Variants in HERC3 observed in about 807,000 individuals in gnomAD.
HERC3 encodes HECT and RLD domain containing E3 ubiquitin protein ligase 3, also known as probable E3 ubiquitin-protein ligase HERC3.
In HERC3, 58 loss-of-function variants were observed where a neutral mutation model predicts 129.9. The observed-to-expected ratio is 0.45, with a 90% CI of 0.36 to 0.56. The LOEUF (loss-of-function observed/expected upper bound fraction) is 0.56. HERC3 is among the 20% of genes least tolerant of loss of function. HERC3 has a pLI of 0.00. For synonymous variants in HERC3, 430 were observed against 451.0 expected, an observed-to-expected ratio of 0.95 and a Z score of 0.59; for missense variants, 835 against 1,244.2, an observed-to-expected ratio of 0.67 and a Z score of 4.95.
Position 88,703,390 on chromosome 4 carries a change from A to G in HERC3, c.2658-708A>G, listed in dbSNP as rs532731236. On this transcript the variant is annotated intron_variant, in intron 23 of 25. Coordinates refer to ENST00000402738, the MANE Select transcript of HERC3 (RefSeq NM_014606.3). ...CTCTTCTCATTTGGTTGATCTTTATATATTTCCATGGTTGCGATATGGTTC... is the reference window on the plus strand; with the variant it reads ...CTCTTCTCATTTGGTTGATCTTTATGTATTTCCATGGTTGCGATATGGTTC... Among the ~76,000 whole-genome samples the G allele has an allele frequency of 5.3e-5, 8 of 152,254 alleles. No individual in the cohort carries two copies. In the South Asian group the frequency reaches 1.2e-3, roughly 24 times the overall value.
the HERC3 span, among the ~76,000 whole-genome samples, chr4:88,529,668 C>G: frequency 6.6e-6 from 1 of 151,554 alleles, no homozygotes; most frequent in Non-Finnish European, 1.5e-5. Context: ...GCAGGAGAAT[C>G]GCTTGAAACC....
At chr4:88,537,598 T>C in the HERC3 span, among the ~76,000 whole-genome samples, 13 of 152,202 alleles carry the variant, frequency 8.5e-5, no homozygotes, top group African/African-American at 3.1e-4. Flanking sequence ...CTCTATGTAA[T>C]CAATAAGTAG....
intron 5 of HERC3, 98 bp from the exon 6 acceptor site, chr4:88,652,771 G>A (rs1729430925): frequency 1.5e-5 from 19 of 1,301,706 alleles, no homozygotes; most frequent in Non-Finnish European, 1.4e-5. Context: ...TGGGTTTGGT[G>A]TTGGGGGGCA....
Position 88,665,136 on chromosome 4 carries a change from G to A in HERC3, c.1331+924G>A, listed in dbSNP as rs576739763. Among the ~76,000 whole-genome samples, 19 of 152,316 alleles carry A rather than the reference G, an allele frequency of 1.2e-4. No homozygotes were observed. In the South Asian group the frequency reaches 2.7e-3, roughly 22 times the overall value. On this transcript the variant is annotated intron_variant, in intron 12 of 25. Transcript: ENST00000402738. ...GTTCTTCAGAGAAATGGAACAAATA[G>A]GAGAGAGATAAATAGATAGATGGAT...
At chr4:88,551,602 T>C in the HERC3 span, among the ~76,000 whole-genome samples, 1 of 151,834 alleles carries the variant, frequency 6.6e-6, no homozygotes, top group Non-Finnish European at 1.5e-5. Flanking sequence ...TCACACCAGT[T>C]AGAATGGCAA....
intron 12 of HERC3, among the ~76,000 whole-genome samples, chr4:88,667,108 A>G (rs1731130585): frequency 6.6e-6 from 1 of 152,230 alleles, no homozygotes; most frequent in Non-Finnish European, 1.5e-5. Flanking sequence ...CAGTCCTTGT[A>G]CTTTGACTTG....
At chr4:88,660,172 A>G (rs2629566) in intron 10 of HERC3, among the ~76,000 whole-genome samples, 1 of 152,064 alleles carries the variant, frequency 6.6e-6, no homozygotes, top group Non-Finnish European at 1.5e-5. Flanking sequence ...CACTTAAAGA[A>G]CCAAGAAAAA....
chr4:88,541,406 T>C, the HERC3 span, among the ~76,000 whole-genome samples: 5 of 152,148 alleles, frequency 3.3e-5, no homozygotes, highest in African/African-American at 9.7e-5. Context: ...CCTAAATATA[T>C]ATGTACCTAA....
intron 14 of HERC3, 147 bp downstream of exon 14, chr4:88,668,228 A>G: frequency 5.0e-6 from 3 of 602,196 alleles, no homozygotes; most frequent in Non-Finnish European, 8.5e-6. Context: ...TTTGCTGTTA[A>G]TTTTTAGCTA....
intron 21 of HERC3, chr4:88,684,846 C>A (rs3017912): frequency 0.45 from 67,817 of 152,036 alleles, 18,051 homozygotes; most frequent in African/African-American, 0.74. Context: ...GACTTTTTTT[C>A]AAAAAATATG....
intron 5 of HERC3, among the ~76,000 whole-genome samples, 156 bp downstream of exon 5, chr4:88,652,244 A>G (rs1729369427): frequency 6.6e-6 from 1 of 152,212 alleles, no homozygotes; most frequent in Admixed American, 6.5e-5. Context: ...TGGGCTTTGC[A>G]TAGCTCATCC....
the HERC3 span, among the ~76,000 whole-genome samples, chr4:88,549,196 T>C: frequency 6.6e-6 from 1 of 152,176 alleles, no homozygotes; most frequent in Non-Finnish European, 1.5e-5. Flanking sequence ...ACTTATTCCT[T>C]TGCATGTGGA....
chr4:88,549,334 G>A, the HERC3 span, among the ~76,000 whole-genome samples: 1 of 149,864 alleles, frequency 6.7e-6, no homozygotes, highest in Non-Finnish European at 1.5e-5. Context: ...AAAAAAAACA[G>A]CATTTTAGAT....
At chr4:88,674,424 CCA>C (rs1731944413) in intron 16 of HERC3, among the ~76,000 whole-genome samples, 1 of 152,196 alleles carries the variant, frequency 6.6e-6, no homozygotes, top group African/African-American at 2.4e-5. Flanking sequence ...ATCACTTCTT[CCA>C]CAGTCACTTT....
At chr4:88,644,592 G>T (rs1273179045) in intron 3 of HERC3, among the ~76,000 whole-genome samples, 1 of 152,126 alleles carries the variant, frequency 6.6e-6, no homozygotes, top group Middle Eastern at 3.2e-3. Flanking sequence ...TGGTTGTCAG[G>T]GGTTAAGGAT....
Position 88,678,037 on chromosome 4 carries a change from C to G in HERC3, c.2099C>G (p.Pro700Arg). ...CTGGAGCCTCTGCTGGCCAGAAGCC[C>G]CTTCCTGGTCCTTCACGTTCGCAGG... ...LTLEPLLARS[P>R]FLVLHVRRNN... Residue 700 changes from proline to arginine, a missense_variant, in exon 19 of 26, where the codon CCC (proline) becomes CGC (arginine). By Grantham distance (103) the Pro-to-Arg change is moderately radical. Coordinates refer to ENST00000402738, the MANE Select transcript of HERC3 (RefSeq NM_014606.3). 6.2e-7 allele frequency: 1 copy of G among 1,613,970 alleles called. No homozygotes were observed. The highest frequency in any genetic ancestry group is 8.5e-7 in the Non-Finnish European group (1 of 1,179,986).
the HERC3 span, among the ~76,000 whole-genome samples, chr4:88,570,074 G>A: frequency 6.6e-6 from 1 of 152,200 alleles, no homozygotes; most frequent in South Asian, 2.1e-4. Context: ...GCAAAGACAA[G>A]GACTGAGCAG....
the HERC3 span, among the ~76,000 whole-genome samples, chr4:88,560,276 G>A: frequency 6.6e-6 from 1 of 152,004 alleles, no homozygotes; most frequent in Admixed American, 6.6e-5. Context: ...TTTTATAATA[G>A]CCATCCTAAG....
chr4:88,603,113 A>G (rs1345767060), intron 2 of HERC3, among the ~76,000 whole-genome samples: 2 of 152,122 alleles, frequency 1.3e-5, no homozygotes, highest in Non-Finnish European at 2.9e-5. Flanking sequence ...CTGTTCTCAA[A>G]ATTCATCTGC....
Sources: allele counts gnomAD v4.1 joint callset (sites outside exome capture counted in the v4.1 genomes callset), GRCh38; gene constraint gnomAD v4.1.1; transcripts MANE v1.5; gene names NCBI Gene and HGNC (gene_info 2026-07-23, HGNC 2026-07-21).